The following CARMIL1 variants were observed in gnomAD, a reference collection of about 807,000 sequenced individuals.
CARMIL1 encodes the protein F-actin-uncapping protein LRRC16A.
In CARMIL1, 90 loss-of-function variants were observed where a neutral mutation model predicts 177.1. The observed-to-expected ratio is 0.51, with a 90% CI of 0.43 to 0.61. The LOEUF (loss-of-function observed/expected upper bound fraction) is 0.61, where lower values mean the gene tolerates loss of function less well. CARMIL1 is among the 20% of genes least tolerant of loss of function. The pLI is 0.00. For missense variants in CARMIL1, 1,380 were observed against 1,667.0 expected (o/e 0.83, Z 3.00); for synonymous variants, 577 against 606.2 (o/e 0.95, Z 0.71).
intron 36 of CARMIL1, among the ~76,000 whole-genome samples, chr6:25,614,443 A>C (rs1159821840): frequency 6.6e-6 from 1 of 152,220 alleles, no homozygotes; most frequent in Non-Finnish European, 1.5e-5. Flanking sequence ...TCTACAAGAA[A>C]GTTTCTCTCA....
intron 29 of CARMIL1, among the ~76,000 whole-genome samples, chr6:25,568,702 G>C (rs1350254741): frequency 6.6e-6 from 1 of 152,074 alleles, no homozygotes; most frequent in Admixed American, 6.5e-5. Context: ...TTCTGAAAAA[G>C]ATTTCAGAGC....
intron 2 of CARMIL1, among the ~76,000 whole-genome samples, chr6:25,342,898 G>C (rs1204043765): frequency 6.6e-6 from 1 of 152,146 alleles, no homozygotes; most frequent in East Asian, 1.9e-4. Flanking sequence ...TAGTTTACTG[G>C]TTACTGTGGT....
chr6:25,285,562 T>C (rs765677947), intron 2 of CARMIL1, among the ~76,000 whole-genome samples: 32 of 152,276 alleles, frequency 2.1e-4, no homozygotes, highest in Non-Finnish European at 3.4e-4. Context: ...GTGAAAACAT[T>C]TTGTGATATT....
Position 25,554,604 on chromosome 6 carries a change from G to T in CARMIL1, c.2592+508G>T, listed in dbSNP as rs1387953928. 1.3e-5 allele frequency among the ~76,000 whole-genome samples: 2 copies of T among 152,138 alleles called. No individual in the cohort carries two copies. The highest frequency in any genetic ancestry group is 2.9e-5 in the Non-Finnish European group (2 of 68,026). On this transcript the variant is annotated intron_variant, in intron 28 of 36. Coordinates refer to ENST00000329474, the MANE Select transcript of CARMIL1 (RefSeq NM_017640.6). The surrounding 1 kb of genome is among the most constrained non-coding windows in gnomAD (Gnocchi z 4.6). ...TAAAAAAAAAATTTCTTCATCTAGA[G>T]ACTGGTTCTGCCTCAAGGTAGGGGA...
intron 12 of CARMIL1, among the ~76,000 whole-genome samples, chr6:25,487,092 C>T (rs964518495): frequency 2.0e-5 from 3 of 152,112 alleles, no homozygotes; most frequent in Admixed American, 6.5e-5. Flanking sequence ...CCCAAATGTG[C>T]GCCCACTTTG....
intron 2 of CARMIL1, among the ~76,000 whole-genome samples, chr6:25,329,540 TA>T (rs1217804200): frequency 2.6e-5 from 4 of 152,242 alleles, no homozygotes; most frequent in Non-Finnish European, 4.4e-5. Flanking sequence ...CAGAAGTTTG[TA>T]TTATCTTGTA....
At chr6:25,372,411 T>C in intron 2 of CARMIL1, among the ~76,000 whole-genome samples, 1 of 152,198 alleles carries the variant, frequency 6.6e-6, no homozygotes, top group African/African-American at 2.4e-5. Context: ...TGTATTATCT[T>C]TGATTTCCTT....
At chr6:25,328,729 G>A (rs1785339899) in intron 2 of CARMIL1, among the ~76,000 whole-genome samples, 1 of 151,990 alleles carries the variant, frequency 6.6e-6, no homozygotes, top group Non-Finnish European at 1.5e-5. Context: ...ACCTCTTCTT[G>A]CCTGGGACCT....
At chr6:25,440,152 G>T (rs1407890917) in intron 5 of CARMIL1, among the ~76,000 whole-genome samples, 1 of 152,192 alleles carries the variant, frequency 6.6e-6, no homozygotes, top group East Asian at 1.9e-4. Flanking sequence ...GTACCATGGG[G>T]CATAGAGAAG....
chr6:25,606,800 G>A (rs1816014954), intron 35 of CARMIL1, among the ~76,000 whole-genome samples: 1 of 152,152 alleles, frequency 6.6e-6, no homozygotes, highest in Non-Finnish European at 1.5e-5. Context: ...TTGCGTTGGT[G>A]TCACCTGTGG....
chr6:25,441,373 C>CTA (rs1342844468), intron 5 of CARMIL1, among the ~76,000 whole-genome samples: 1 of 58,930 alleles, frequency 1.7e-5, no homozygotes, highest in Non-Finnish European at 3.7e-5. Context: ...GTGTGTGTGT[C>CTA]TATGTGTGTG....
intron 8 of CARMIL1, among the ~76,000 whole-genome samples, chr6:25,459,513 A>G (rs1005586007): frequency 6.6e-6 from 1 of 151,826 alleles, no homozygotes; most frequent in Non-Finnish European, 1.5e-5. Flanking sequence ...CAGCTTCCCA[A>G]GGTGCTGGGA....
At chr6:25,291,587 A>G (rs927436794) in intron 2 of CARMIL1, among the ~76,000 whole-genome samples, 2 of 152,180 alleles carry the variant, frequency 1.3e-5, no homozygotes, top group African/African-American at 4.8e-5. Context: ...ATTTGTGTTC[A>G]GCTTCTTAAG....
chr6:25,556,937 A>G (rs1187149600), intron 29 of CARMIL1, 87 bp downstream of exon 29: 8 of 1,329,420 alleles, frequency 6.0e-6, no homozygotes, highest in Non-Finnish European at 8.3e-6. Flanking sequence ...TCACCTTTTG[A>G]AATCAGACCA....
Position 25,279,490 on chromosome 6 carries a change from C to T in CARMIL1, c.-306C>T, listed in dbSNP as rs999340413. The T allele has an allele frequency of 6.3e-6, 3 of 473,624 alleles. No homozygotes were observed. The highest frequency in any genetic ancestry group is 4.0e-5 in the African/African-American group (2 of 50,010). 29.3% of individuals were successfully genotyped at this position (473,624 alleles called of 1,614,324 possible). A position where few individuals can be genotyped will look rare whatever the true frequency, so the allele number is the denominator to read the frequency against. ...CCAGCGAGCCGGGAGGAGGAGCAGG[C>T]GCCACAGCCGCCCCGCGCCCCGCGC... On this transcript the variant is annotated 5_prime_UTR_variant, in exon 1 of 37. Coordinates refer to ENST00000329474, the MANE Select transcript of CARMIL1 (RefSeq NM_017640.6).
intron 36 of CARMIL1, among the ~76,000 whole-genome samples, chr6:25,610,410 A>C (rs1385507961): frequency 6.6e-6 from 1 of 152,186 alleles, no homozygotes; most frequent in Non-Finnish European, 1.5e-5. Flanking sequence ...CTGAGACACA[A>C]AGGTCTAACT....
chr6:25,560,009 T>C (rs1405607709), intron 29 of CARMIL1, among the ~76,000 whole-genome samples: 1 of 152,216 alleles, frequency 6.6e-6, no homozygotes, highest in Non-Finnish European at 1.5e-5. Context: ...ATGTTTACCT[T>C]CCTGGAGTTG....
chr6:25,588,014 A>C (rs1441651043), intron 31 of CARMIL1, among the ~76,000 whole-genome samples: 1 of 152,236 alleles, frequency 6.6e-6, no homozygotes, highest in African/African-American at 2.4e-5. Context: ...ACAACAATAA[A>C]AAAATTATAT....
intron 16 of CARMIL1, among the ~76,000 whole-genome samples, chr6:25,497,300 A>T (rs991321479): frequency 7.2e-5 from 11 of 152,192 alleles, no homozygotes; most frequent in African/African-American, 2.4e-4. Context: ...TTTAATGTGG[A>T]TGACAGTGAT....
Sources: gnomAD v4.1 joint callset for allele counts (sites outside exome capture counted in the v4.1 genomes callset) on GRCh38, gnomAD v4.1.1 for gene constraint, Gnocchi (gnomAD v3.1) non-coding constraint, MANE v1.5 for transcripts, NCBI Gene and HGNC (gene_info 2026-07-23, HGNC 2026-07-21) for gene names.